ERBB4: variants seen among roughly 807,000 people sequenced by gnomAD.
ERBB4 encodes erb-b2 receptor tyrosine kinase 4.
ERBB4 carries 42 observed loss-of-function variants against 158.0 expected under a neutral mutation model. That is an observed-to-expected ratio of 0.27 (90% CI 0.21 to 0.34). The LOEUF (loss-of-function observed/expected upper bound fraction) is 0.34. ERBB4 is among the 10% of genes least tolerant of loss of function. ERBB4 has a pLI of 1.00. For synonymous variants in ERBB4, 583 were observed against 558.7 expected (o/e 1.04, Z -0.61); for missense variants, 1,333 against 1,624.1 (o/e 0.82, Z 3.08).
At chr2:211,696,529 A>T (rs1306064896) in intron 12 of ERBB4, among the ~76,000 whole-genome samples, 1 of 152,182 alleles carries the variant, frequency 6.6e-6, no homozygotes, top group Non-Finnish European at 1.5e-5. Context: ...AAGGTCAGAT[A>T]GCAAAGAGTT....
At chr2:211,570,948 C>T (rs1559306882) in intron 19 of ERBB4, among the ~76,000 whole-genome samples, 1 of 151,920 alleles carries the variant, frequency 6.6e-6, no homozygotes, top group African/African-American at 2.4e-5. Context: ...ATTGTTTTAT[C>T]TCACTGACCA....
intron 1 of ERBB4, among the ~76,000 whole-genome samples, chr2:212,208,109 T>C (rs16847888): frequency 0.018 from 2,734 of 152,206 alleles, 87 homozygotes; most frequent in African/African-American, 0.063. Flanking sequence ...ACCTTTGGAG[T>C]TATATCACTT....
At chr2:212,038,364 C>T (rs533374719) in intron 2 of ERBB4, among the ~76,000 whole-genome samples, 1 of 152,106 alleles carries the variant, frequency 6.6e-6, no homozygotes, top group Non-Finnish European at 1.5e-5. Flanking sequence ...TAATTCTAGT[C>T]AAATATGGTC....
At chr2:212,338,214 C>T (rs1221289193) in intron 1 of ERBB4, among the ~76,000 whole-genome samples, 1 of 152,102 alleles carries the variant, frequency 6.6e-6, no homozygotes, top group African/African-American at 2.4e-5. Flanking sequence ...GCTTTACTAC[C>T]TTCATTCCAC....
chr2:212,125,644 C>A (rs1193840578), intron 1 of ERBB4, among the ~76,000 whole-genome samples: 1 of 152,182 alleles, frequency 6.6e-6, no homozygotes. Context: ...TCATTTAGCT[C>A]CCACTTATAA....
At chr2:211,395,731 T>C (rs1041532647) in intron 25 of ERBB4, among the ~76,000 whole-genome samples, 1 of 152,124 alleles carries the variant, frequency 6.6e-6, no homozygotes, top group African/African-American at 2.4e-5. Context: ...GTAGTATTTA[T>C]TAAAATGGTA....
intron 1 of ERBB4, among the ~76,000 whole-genome samples, chr2:212,521,645 T>G (rs1477725607): frequency 7.3e-6 from 1 of 137,810 alleles, no homozygotes; most frequent in East Asian, 1.9e-4. Context: ...CTGATGCTAT[T>G]TTATATGCAT....
Position 211,693,298 on chromosome 2 carries a change from A to G in ERBB4, c.1489+8669T>C, listed in dbSNP as rs528389382. Among the ~76,000 whole-genome samples, 61 of 152,286 alleles carry G rather than the reference A, an allele frequency of 4.0e-4. 2 individuals carry two copies. The South Asian group carries it at 0.012, about 31-fold the overall frequency. ...AAAGTAAATAAAATTTGATAGTACA[A>G]TACTTATTATAGTATAATTACCCAA... On this transcript the variant is annotated intron_variant, in intron 12 of 27. Transcript: ENST00000342788.
intron 20 of ERBB4, among the ~76,000 whole-genome samples, chr2:211,537,371 G>A (rs1444942656): frequency 6.6e-6 from 1 of 151,882 alleles, no homozygotes; most frequent in Admixed American, 6.6e-5. Context: ...TAGTAAAAAA[G>A]CTTTCCTTTT....
chr2:212,431,763 T>A (rs1157315035), intron 1 of ERBB4, among the ~76,000 whole-genome samples: 2 of 152,192 alleles, frequency 1.3e-5, no homozygotes, highest in Non-Finnish European at 2.9e-5. Flanking sequence ...AGGGCCTTCA[T>A]ACTTGCTGTT....
chr2:212,531,314 T>C (rs1692744342), intron 1 of ERBB4, among the ~76,000 whole-genome samples: 1 of 152,082 alleles, frequency 6.6e-6, no homozygotes, highest in Admixed American at 6.6e-5. Flanking sequence ...TAAGTTTAGG[T>C]CAAAAATATT....
At chr2:212,322,643 C>T (rs10164827) in intron 1 of ERBB4, among the ~76,000 whole-genome samples, 29,721 of 149,980 alleles carry the variant, frequency 0.2, 5,301 homozygotes, top group African/African-American at 0.43. Context: ...ACTACCATTA[C>T]CCTGGCCACA....
chr2:211,487,646 G>A (rs923681155), intron 20 of ERBB4, among the ~76,000 whole-genome samples: 1 of 152,012 alleles, frequency 6.6e-6, no homozygotes, highest in Admixed American at 6.6e-5. Context: ...AGTCTAAAGC[G>A]TGGATATCAC....
chr2:212,367,753 C>T (rs1416349850), intron 1 of ERBB4, among the ~76,000 whole-genome samples: 2 of 151,970 alleles, frequency 1.3e-5, no homozygotes, highest in Non-Finnish European at 2.9e-5. Flanking sequence ...AGTAAACATT[C>T]CCATCAAAAA....
chr2:212,180,018 A>G (rs1043466804), intron 1 of ERBB4, among the ~76,000 whole-genome samples: 1 of 151,748 alleles, frequency 6.6e-6, no homozygotes, highest in African/African-American at 2.4e-5. Context: ...GCATATTATC[A>G]TAAAAATTTT....
chr2:212,143,703 T>C (rs1475405480), intron 1 of ERBB4, among the ~76,000 whole-genome samples: 2 of 151,986 alleles, frequency 1.3e-5, no homozygotes, highest in East Asian at 1.9e-4. Context: ...CTCTTCCTTT[T>C]CGCACTTTGT....
chr2:211,836,724 C>T (rs1284460769), intron 3 of ERBB4, among the ~76,000 whole-genome samples: 2 of 152,056 alleles, frequency 1.3e-5, no homozygotes, highest in South Asian at 2.1e-4. Flanking sequence ...ATAGCAGTTT[C>T]AGGTCTGCTG....
chr2:211,965,401 T>A (rs1454041008), intron 2 of ERBB4, among the ~76,000 whole-genome samples: 1 of 152,168 alleles, frequency 6.6e-6, no homozygotes, highest in East Asian at 1.9e-4. Context: ...TTTTAAATTA[T>A]CATAAACATA....
intron 1 of ERBB4, among the ~76,000 whole-genome samples, chr2:212,234,099 A>G (rs935337712): frequency 2.0e-5 from 3 of 151,952 alleles, no homozygotes; most frequent in African/African-American, 7.3e-5. Flanking sequence ...CATCACCTAC[A>G]TTAGGTATTT....
Sources: gnomAD v4.1 joint callset for allele counts (sites outside exome capture counted in the v4.1 genomes callset) on GRCh38, gnomAD v4.1.1 for gene constraint, MANE v1.5 for transcripts, NCBI Gene and HGNC (gene_info 2026-07-23, HGNC 2026-07-21) for gene names.